The following AMBRA1 variants were observed in gnomAD, a reference collection of about 807,000 sequenced individuals.
The protein encoded by AMBRA1 is activating molecule in BECN1-regulated autophagy protein 1.
In AMBRA1, 47 loss-of-function variants were observed where a neutral mutation model predicts 125.4. That is an observed-to-expected ratio of 0.37 (90% CI 0.30 to 0.48). The LOEUF is 0.48. Among genes scored for constraint, AMBRA1 ranks in the 20% least tolerant of loss-of-function variants. The pLI, the probability that AMBRA1 is intolerant of heterozygous loss-of-function variation, is 0.99. For missense variants in AMBRA1, 1,331 were observed against 1,693.4 expected (o/e 0.79, Z 3.76); for synonymous variants, 626 against 655.5 (o/e 0.95, Z 0.69).
chr11:46,543,223 G>C lies in AMBRA1; in HGVS notation c.794C>G (p.Ser265Cys). The change falls in exon 7 of 18, where the codon TCT becomes TGT. Residue 265 changes from serine to cysteine, a missense_variant. Physicochemically the swap from Ser to Cys is moderately radical, Grantham distance 112 (BLOSUM62 -1). This residue lies in a region of AMBRA1 where 689 missense variants were observed against 776.5 expected (regional missense o/e 0.89). Transcript: ENST00000683756. ...QVGEQSTVQD[S>C]ATPSPPPPPP... Reference sequence around the variant, plus strand: ...AGGCGGTGGGGGTGAGGGGGTAGCAGAATCTTGCACTGTGCTTTGCTCTCC... The same window carrying C: ...AGGCGGTGGGGGTGAGGGGGTAGCACAATCTTGCACTGTGCTTTGCTCTCC... 6.2e-7 allele frequency: 1 copy of C among 1,611,458 alleles called. No individual in the cohort carries two copies. The highest frequency in any genetic ancestry group is 8.5e-7 in the Non-Finnish European group (1 of 1,179,030).
At chr11:46,441,077 T>C (rs1947978591) in intron 12 of AMBRA1, among the ~76,000 whole-genome samples, 2 of 152,180 alleles carry the variant, frequency 1.3e-5, no homozygotes, top group African/African-American at 2.4e-5. Flanking sequence ...CAGAAAAGCA[T>C]GTTTATTGAA....
In AMBRA1 at chr11:46,543,349, T is replaced by C; in HGVS notation, c.668A>G (p.Tyr223Cys). 8 of 1,613,866 alleles carry C rather than the reference T, an allele frequency of 5.0e-6. No individual in the cohort carries two copies. The highest frequency in any genetic ancestry group is 6.8e-6 in the Non-Finnish European group (8 of 1,179,922). The change falls in exon 7 of 18, where the codon TAC (tyrosine) becomes TGC (cysteine). Residue 223 changes from tyrosine (Y) to cysteine (C), a missense_variant. Transcript: ENST00000683756. ...IPIDGTELSHYRQRALLQSQP... is the reference protein window; with the variant it reads ...IPIDGTELSHCRQRALLQSQP... ...TGATTGCAGGAGGGCACGCTGACGG[T>C]AGTGGGATAATTCTGTTCCATCTAT...
intron 11 of AMBRA1, among the ~76,000 whole-genome samples, chr11:46,492,590 G>A (rs1436121458): frequency 6.6e-6 from 1 of 152,190 alleles, no homozygotes; most frequent in African/African-American, 2.4e-5. Flanking sequence ...GGGAGGTAGG[G>A]AAAGACTGTG....
At chr11:46,499,524 G>C (rs1950753640) in intron 9 of AMBRA1, among the ~76,000 whole-genome samples, 1 of 152,140 alleles carries the variant, frequency 6.6e-6, no homozygotes, top group Non-Finnish European at 1.5e-5. Flanking sequence ...TAGAATTCAG[G>C]TAAAGTATGT....
At chr11:46,509,066 G>T (rs972701465) in intron 8 of AMBRA1, among the ~76,000 whole-genome samples, 1 of 152,190 alleles carries the variant, frequency 6.6e-6, no homozygotes, top group African/African-American at 2.4e-5. Flanking sequence ...AAAAATAAAA[G>T]AGATTTTTTT....
At position 46,581,523 on chromosome 11, in the gene AMBRA1, C is replaced by T. The variant is rs573467032; in HGVS notation, c.-121+12305G>A. Among the ~76,000 whole-genome samples the T allele has an allele frequency of 6.6e-5, 10 of 152,066 alleles. No individual in the cohort carries two copies. In the East Asian group the frequency reaches 9.8e-4, roughly 15 times the overall value. On this transcript the variant is annotated intron_variant, in intron 1 of 17. Transcript: ENST00000683756. ...TTGGGAGGCTAAGGCAGGAGAATGA[C>T]GTGAGCCCGGAGGCAGAGCTTGCAG...
At chr11:46,509,156 C>G (rs1252768001) in intron 8 of AMBRA1, among the ~76,000 whole-genome samples, 3 of 152,206 alleles carry the variant, frequency 2.0e-5, no homozygotes, top group Non-Finnish European at 2.9e-5. Flanking sequence ...TCTTTCTTCT[C>G]CTTTATGATG....
At chr11:46,484,128 A>G (rs949572383) in intron 11 of AMBRA1, among the ~76,000 whole-genome samples, 5 of 152,170 alleles carry the variant, frequency 3.3e-5, no homozygotes, top group African/African-American at 1.2e-4. Flanking sequence ...TGCCATGCAC[A>G]AGGGGCCCAA....
At chr11:46,573,416 C>CAA (rs1228184707) in intron 1 of AMBRA1, among the ~76,000 whole-genome samples, 3 of 136,314 alleles carry the variant, frequency 2.2e-5, no homozygotes, top group African/African-American at 8.0e-5. Context: ...AAAAACAAAA[C>CAA]AAAAAAAAAA....
chr11:46,589,764 C>T (rs758588023), intron 1 of AMBRA1, among the ~76,000 whole-genome samples: 121 of 151,850 alleles, frequency 8.0e-4, no homozygotes, highest in Non-Finnish European at 1.5e-3. Flanking sequence ...GGACTACAGG[C>T]GCCCACCACC....
intron 14 of AMBRA1, among the ~76,000 whole-genome samples, chr11:46,425,154 G>T (rs984025120): frequency 6.6e-6 from 1 of 152,012 alleles, no homozygotes; most frequent in African/African-American, 2.4e-5. Flanking sequence ...TAAATAGAAA[G>T]AAAGCAATTA....
chr11:46,447,206 T>C (rs1948332234), intron 11 of AMBRA1, among the ~76,000 whole-genome samples: 1 of 151,474 alleles, frequency 6.6e-6, no homozygotes, highest in Non-Finnish European at 1.5e-5. Flanking sequence ...CCCAGGAATT[T>C]GTAACCAGCC....
In AMBRA1 at chr11:46,494,194, C is replaced by T; in HGVS notation, c.2350G>A (p.Asp784Asn). 1 of 1,600,604 alleles carries T rather than the reference C, an allele frequency of 6.2e-7. No individual in the cohort carries two copies. The highest frequency in any genetic ancestry group is 8.5e-7 in the Non-Finnish European group (1 of 1,172,656). ...LEFEDFEDNGDRSRHRAPRNA... is the reference protein window; with the variant it reads ...LEFEDFEDNGNRSRHRAPRNA... Reference sequence around the variant, plus strand: ...CGTGGAGCTCGGTGCCTGGATCTGTCACCATTGTCCCTGAAAAAAATAAAA... The same window carrying T: ...CGTGGAGCTCGGTGCCTGGATCTGTTACCATTGTCCCTGAAAAAAATAAAA... Residue 784 changes from aspartate to asparagine, a missense_variant, in exon 10 of 18, where the codon GAC becomes AAC. This residue lies in a region of AMBRA1 where 689 missense variants were observed against 776.5 expected (regional missense o/e 0.89). Transcript: ENST00000683756.
At chr11:46,433,409 C>T (rs1947546906) in intron 14 of AMBRA1, 65 bp downstream of exon 14, 1 of 1,563,594 alleles carries the variant, frequency 6.4e-7, no homozygotes, top group Non-Finnish European at 8.7e-7. Context: ...CACCACTGTC[C>T]CCTCATTACC....
At chr11:46,501,398 G>C (rs1302856385) in intron 9 of AMBRA1, among the ~76,000 whole-genome samples, 1 of 152,214 alleles carries the variant, frequency 6.6e-6, no homozygotes, top group African/African-American at 2.4e-5. Context: ...ATCCTGTCCA[G>C]GGCAGGTTCT....
intron 11 of AMBRA1, among the ~76,000 whole-genome samples, chr11:46,463,151 G>A (rs1590870910): frequency 6.6e-6 from 1 of 152,220 alleles, no homozygotes. Context: ...CTCTTATTCT[G>A]TTACAGTTCT....
In AMBRA1 at chr11:46,485,218, G is replaced by GT. The variant is rs558213669; in HGVS notation, c.2521+8389dup. Among the ~76,000 whole-genome samples, 77 of 152,344 alleles carry GT rather than the reference G, an allele frequency of 5.1e-4. 1 individual carries two copies. The highest frequency in any genetic ancestry group is 8.7e-4 in the Non-Finnish European group (59 of 68,030). On this transcript the variant is annotated intron_variant, in intron 11 of 17. Transcript: ENST00000683756. Reference sequence around the variant, plus strand: ...CTCCCAACATGCTGGGATTACAGGCGTGAGCCCCTATGCCCGGCCTCAAGA... The same window carrying GT: ...CTCCCAACATGCTGGGATTACAGGCGTTGAGCCCCTATGCCCGGCCTCAAGA...
At chr11:46,460,284 T>A (rs1949042099) in intron 11 of AMBRA1, among the ~76,000 whole-genome samples, 1 of 152,108 alleles carries the variant, frequency 6.6e-6, no homozygotes, top group Non-Finnish European at 1.5e-5. Flanking sequence ...AGTTATATGA[T>A]GATCCATATG....
intron 11 of AMBRA1, among the ~76,000 whole-genome samples, chr11:46,462,610 T>G (rs1244342441): frequency 6.6e-6 from 1 of 152,090 alleles, no homozygotes; most frequent in East Asian, 1.9e-4. Flanking sequence ...TGTACATGTG[T>G]TTTAAACACA....
Sources: gnomAD v4.1 joint callset for allele counts (sites outside exome capture counted in the v4.1 genomes callset) on GRCh38, gnomAD v4.1.1 for gene constraint, gnomAD v4.1.1 regional missense constraint, MANE v1.5 for transcripts, NCBI Gene and HGNC (gene_info 2026-07-23, HGNC 2026-07-21) for gene names.